Variants in PHF14 observed in about 807,000 individuals in gnomAD.
PHF14 encodes PHD finger protein 14.
A neutral mutation model predicts 117.9 loss-of-function variants in PHF14; 55 were observed. The ratio of observed to expected loss-of-function variants is 0.47; its 90% CI spans 0.38 to 0.58. The LOEUF (loss-of-function observed/expected upper bound fraction) is 0.58, where lower values mean the gene tolerates loss of function less well. Among genes scored for constraint, PHF14 ranks in the 20% least tolerant of loss-of-function variants. PHF14 has a pLI of 0.00. For synonymous variants in PHF14, 409 were observed against 368.6 expected, an observed-to-expected ratio of 1.11 and a Z score of -1.26; for missense variants, 978 against 1,122.2, an observed-to-expected ratio of 0.87 and a Z score of 1.84.
At position 11,100,748 on chromosome 7, in the gene PHF14, G is replaced by A. The variant is rs1429076764; in HGVS notation, c.2655-10602G>A. Among the ~76,000 whole-genome samples the A allele has an allele frequency of 2.6e-5, 4 of 151,854 alleles. No individual in the cohort carries two copies. In the East Asian group the frequency reaches 7.7e-4, roughly 29 times the overall value. ...GTGAGGAAAATGAGAAGAATTACTTGCCCAAGATTGTACAACTGGAAAATG... is the reference window on the plus strand; with the variant it reads ...GTGAGGAAAATGAGAAGAATTACTTACCCAAGATTGTACAACTGGAAAATG... On this transcript the variant is annotated intron_variant, in intron 16 of 17. Transcript: ENST00000634607.
At position 11,028,781 on chromosome 7, in the gene PHF14, A is replaced by T; in HGVS notation, c.1418A>T (p.Gln473Leu). 1 of 1,613,850 alleles carries T rather than the reference A, an allele frequency of 6.2e-7. No individual in the cohort carries two copies. The highest frequency in any genetic ancestry group is 2.2e-5 in the East Asian group (1 of 44,870). ...GCCTATTTCCATGTGACCTGTGCTCAAAAGGAAGGTCTGCTTTCAGAGGCA... is the reference window on the plus strand; with the variant it reads ...GCCTATTTCCATGTGACCTGTGCTCTAAAGGAAGGTCTGCTTTCAGAGGCA... ...CRAYFHVTCA[Q>L]KEGLLSEAAA... The change falls in exon 7 of 18, where the codon CAA becomes CTA. Residue 473 changes from glutamine to leucine, a missense_variant. This residue lies in a region of PHF14 where 23 missense variants were observed against 66.8 expected (regional missense o/e 0.34). Transcript: ENST00000634607.
chr7:11,049,139 A>G (rs931612705), intron 13 of PHF14, among the ~76,000 whole-genome samples: 2 of 152,190 alleles, frequency 1.3e-5, no homozygotes, highest in African/African-American at 4.8e-5. Flanking sequence ...AGATAACATT[A>G]TGTTTGCCTG....
intron 7 of PHF14, among the ~76,000 whole-genome samples, chr7:11,034,154 G>T (rs1784228000): frequency 6.6e-6 from 1 of 151,788 alleles, no homozygotes; most frequent in African/African-American, 2.4e-5. Flanking sequence ...GGACACATTA[G>T]ATTTTTTTTT....
intron 8 of PHF14, 42 bp downstream of exon 8, chr7:11,035,828 G>A: frequency 1.3e-6 from 2 of 1,501,582 alleles, no homozygotes; most frequent in African/African-American, 1.4e-5. Context: ...TTGTTTTAAG[G>A]TTATGTAAGG....
intron 16 of PHF14, chr7:11,107,107 T>C (rs565150560): frequency 6.1e-4 from 604 of 982,886 alleles, no homozygotes; most frequent in Admixed American, 1.9e-3. Flanking sequence ...TTTACTCCTC[T>C]AATGAAATTA....
chr7:11,112,278 T>G (rs1787471602), intron 17 of PHF14, among the ~76,000 whole-genome samples: 1 of 152,196 alleles, frequency 6.6e-6, no homozygotes, highest in Non-Finnish European at 1.5e-5. Context: ...CTTTCTTCAA[T>G]GCTACTTAAA....
chr7:10,996,051 C>G (rs747090379), intron 4 of PHF14, among the ~76,000 whole-genome samples: 1 of 152,204 alleles, frequency 6.6e-6, no homozygotes, highest in Non-Finnish European at 1.5e-5. Flanking sequence ...CAAGAGTGAG[C>G]GAGGGCTGTG....
chr7:11,127,243 C>G (rs941804945), intron 17 of PHF14, among the ~76,000 whole-genome samples: 1 of 107,744 alleles, frequency 9.3e-6, no homozygotes, highest in African/African-American at 3.8e-5. Context: ...TCTTGCCCCT[C>G]CTTTTTTTTT....
chr7:11,105,006 A>G (rs1787212681), intron 16 of PHF14: 1 of 892,346 alleles, frequency 1.1e-6, no homozygotes, highest in African/African-American at 1.8e-5. Context: ...AACACATACA[A>G]TTTTTTTTAA....
At position 11,088,816 on chromosome 7, in the gene PHF14, TA is replaced by T. The variant is rs369798911; in HGVS notation, c.2655-22528del. Among the ~76,000 whole-genome samples the T allele has an allele frequency of 3.2e-4, 49 of 152,210 alleles. No homozygotes were observed. In the East Asian group the frequency reaches 7.3e-3, roughly 23 times the overall value. On this transcript the variant is annotated intron_variant, in intron 16 of 17. Transcript: ENST00000634607. ...GTGATAAACTATAACAAATCAGTAT[TA>T]AAAAATTATGTATCTCCTATAGATT...
chr7:11,081,244 G>A (rs1786088103), intron 16 of PHF14, among the ~76,000 whole-genome samples: 1 of 152,100 alleles, frequency 6.6e-6, no homozygotes, highest in Admixed American at 6.6e-5. Context: ...AAACTTTTCT[G>A]GGGAATAATT....
At chr7:10,978,825 C>A (rs886976818) in intron 2 of PHF14, among the ~76,000 whole-genome samples, 5 of 152,072 alleles carry the variant, frequency 3.3e-5, no homozygotes, top group African/African-American at 1.2e-4. Context: ...AAAATGTTCC[C>A]GTTTGAGTAC....
intron 6 of PHF14, among the ~76,000 whole-genome samples, chr7:11,024,065 C>A (rs1783828110): frequency 6.6e-6 from 1 of 152,252 alleles, no homozygotes; most frequent in Middle Eastern, 3.4e-3. Context: ...GCTACTCCAG[C>A]AAACACATGA....
chr7:10,998,822 C>A (rs1432143695), intron 4 of PHF14, among the ~76,000 whole-genome samples: 2 of 152,162 alleles, frequency 1.3e-5, no homozygotes, highest in Admixed American at 6.5e-5. Context: ...AGGGCACTAT[C>A]TCTATTTTTC....
intron 16 of PHF14, chr7:11,062,956 CAG>C: frequency 1.1e-6 from 1 of 942,598 alleles, no homozygotes; most frequent in South Asian, 4.9e-5. Flanking sequence ...ACTGAGGACA[CAG>C]AAATTAAACA....
At chr7:11,141,686 T>A (rs1420036232) in intron 17 of PHF14, among the ~76,000 whole-genome samples, 1 of 152,098 alleles carries the variant, frequency 6.6e-6, no homozygotes, top group South Asian at 2.1e-4. Flanking sequence ...CTTGAAATTA[T>A]TAATAGTTTC....
At chr7:11,110,392 G>A (rs1443495564) in intron 16 of PHF14, 3 of 160,626 alleles carry the variant, frequency 1.9e-5, no homozygotes, top group African/African-American at 7.2e-5. Context: ...TATGAAATGA[G>A]GAATGTAATC....
rs1414982280 is a variant in PHF14 at position 10,975,631 on chromosome 7, G to C, written c.112+686G>C. Reference sequence around the variant, plus strand: ...TGTATATATACAGTTTCAATTGAAGGAATCTGAGAAACAAAAATTATGTTT... The same window carrying C: ...TGTATATATACAGTTTCAATTGAAGCAATCTGAGAAACAAAAATTATGTTT... On this transcript the variant is annotated intron_variant, in intron 2 of 17. Coordinates refer to ENST00000634607, the MANE Select transcript of PHF14 (RefSeq NM_001007157.2). 2.0e-5 allele frequency among the ~76,000 whole-genome samples: 3 copies of C among 152,148 alleles called. No individual in the cohort carries two copies. In the East Asian group the frequency reaches 5.8e-4, roughly 29 times the overall value.
chr7:11,168,338 A>G (rs1394212212), intron 17 of PHF14, among the ~76,000 whole-genome samples: 1 of 152,208 alleles, frequency 6.6e-6, no homozygotes, highest in Non-Finnish European at 1.5e-5. Flanking sequence ...AGTTTAGAGA[A>G]ACAAAGTATA....
Sources: gnomAD v4.1 joint callset for allele counts (sites outside exome capture counted in the v4.1 genomes callset) on GRCh38, gnomAD v4.1.1 for gene constraint, gnomAD v4.1.1 regional missense constraint, MANE v1.5 for transcripts, NCBI Gene and HGNC (gene_info 2026-07-23, HGNC 2026-07-21) for gene names.